The following SLCO1A2 variants were observed in gnomAD, a reference collection of about 807,000 sequenced individuals.
The protein encoded by SLCO1A2 is solute carrier organic anion transporter family member 1A2, also known as OATP-1.
A neutral mutation model predicts 69.0 loss-of-function variants in SLCO1A2; 67 were observed. The ratio of observed to expected loss-of-function variants is 0.97; its 90% CI spans 0.80 to 1.19. The LOEUF (loss-of-function observed/expected upper bound fraction) is 1.19. Ranked by LOEUF, SLCO1A2 falls within the 50% of genes most tolerant of loss-of-function variation. The pLI, the probability that SLCO1A2 is intolerant of heterozygous loss-of-function variation, is 0.00. For missense variants in SLCO1A2, 787 were observed against 793.7 expected, an observed-to-expected ratio of 0.99 and a Z score of 0.10; for synonymous variants, 260 against 265.9, an observed-to-expected ratio of 0.98 and a Z score of 0.22.
intron 2 of SLCO1A2, among the ~76,000 whole-genome samples, chr12:21,331,622 TA>T (rs11313789): frequency 0.37 from 53,693 of 145,750 alleles, 10,043 homozygotes; most frequent in African/African-American, 0.49. Context: ...ATCGCTGAGA[TA>T]AAAAAAAAAA....
rs535980539 is a variant in SLCO1A2 at position 21,289,916 on chromosome 12, G to T, written c.1610+2248C>A. On this transcript the variant is annotated intron_variant, in intron 12 of 14. Coordinates refer to ENST00000683939, the MANE Select transcript of SLCO1A2 (RefSeq NM_001386879.1). The stretch of plus-strand genomic sequence containing the variant: ...GCATGGAACAGTAGAACACCCAGTT[G>T]GTGTTGCAGAATTGAACAGTGTAGG... 1.9e-4 allele frequency among the ~76,000 whole-genome samples: 29 copies of T among 152,218 alleles called. No individual in the cohort carries two copies. In the South Asian group the frequency reaches 5.8e-3, roughly 30 times the overall value.
At chr12:21,328,062 T>C (rs1369654473) in intron 2 of SLCO1A2, among the ~76,000 whole-genome samples, 1 of 152,176 alleles carries the variant, frequency 6.6e-6, no homozygotes, top group Non-Finnish European at 1.5e-5. Context: ...CAAGCTCTAA[T>C]GGTTTTATAA....
chr12:21,337,324 A>G (rs1952925890), upstream of SLCO1A2, among the ~76,000 whole-genome samples: 1 of 152,102 alleles, frequency 6.6e-6, no homozygotes, highest in Admixed American at 6.6e-5. Flanking sequence ...GTTTTATGAA[A>G]CAAATATAAA....
chr12:21,292,817 C>T (rs906881244), intron 11 of SLCO1A2, among the ~76,000 whole-genome samples: 1 of 151,932 alleles, frequency 6.6e-6, no homozygotes, highest in Non-Finnish European at 1.5e-5. Context: ...TGGTCTCGAA[C>T]TCCTGACCTC....
chr12:21,382,202 T>C (rs1313428085), intron 1 of SLCO1A2, among the ~76,000 whole-genome samples: 1 of 152,288 alleles, frequency 6.6e-6, no homozygotes, highest in East Asian at 1.9e-4. Context: ...CTGGAGACCA[T>C]TATTCTAAGC....
intron 2 of SLCO1A2, among the ~76,000 whole-genome samples, chr12:21,372,499 A>C (rs1045266780): frequency 2.2e-4 from 34 of 152,098 alleles, no homozygotes; most frequent in Non-Finnish European, 4.6e-4. Context: ...CTGAAGCTTC[A>C]TGGGATTCAG....
chr12:21,304,390 G>A, intron 6 of SLCO1A2, 37 bp downstream of exon 6: 4 of 1,519,172 alleles, frequency 2.6e-6, no homozygotes, highest in South Asian at 2.3e-5. Context: ...GGAACATATT[G>A]CCCTGAAAAG....
intron 3 of SLCO1A2, 128 bp from the exon 4 acceptor site, chr12:21,314,809 G>T (rs533019765): frequency 5.5e-6 from 4 of 732,798 alleles, no homozygotes; most frequent in East Asian, 2.7e-5. Context: ...ATTTGTGCTA[G>T]GGTTGCATTA....
chr12:21,315,357 A>C (rs1365683356), intron 3 of SLCO1A2, among the ~76,000 whole-genome samples: 1 of 152,246 alleles, frequency 6.6e-6, no homozygotes, highest in Non-Finnish European at 1.5e-5. Context: ...AAGCTTTAGA[A>C]TAAAGAAACT....
intron 12 of SLCO1A2, among the ~76,000 whole-genome samples, chr12:21,280,242 A>G (rs1305444608): frequency 6.6e-6 from 1 of 152,178 alleles, no homozygotes; most frequent in Admixed American, 6.5e-5. Flanking sequence ...TACGAATAAG[A>G]TTATTTAATG....
chr12:21,330,218 C>T (rs1378900228), intron 2 of SLCO1A2, among the ~76,000 whole-genome samples: 2 of 152,106 alleles, frequency 1.3e-5, no homozygotes, highest in African/African-American at 4.8e-5. Flanking sequence ...AAAGGCCAGA[C>T]ACCATGGCTC....
intron 2 of SLCO1A2, chr12:21,373,005 G>A (rs968577369): frequency 7.1e-6 from 2 of 280,990 alleles, no homozygotes; most frequent in Admixed American, 5.0e-5. Context: ...ACATTAAAAG[G>A]TAAAGAATTT....
chr12:21,409,761 T>C (rs1398342917), intron 1 of SLCO1A2, among the ~76,000 whole-genome samples: 1 of 152,180 alleles, frequency 6.6e-6, no homozygotes, highest in Admixed American at 6.5e-5. Context: ...CAGTCGTATA[T>C]TTGAGCTGTA....
At chr12:21,372,961 A>G (rs547030424) in intron 2 of SLCO1A2, 8 of 241,242 alleles carry the variant, frequency 3.3e-5, no homozygotes, top group Non-Finnish European at 4.8e-5. Context: ...CTTTCTTTCT[A>G]TCAGAAGCAT....
chr12:21,349,836 C>T (rs950935119), intron 2 of SLCO1A2, among the ~76,000 whole-genome samples: 7 of 152,166 alleles, frequency 4.6e-5, no homozygotes, highest in African/African-American at 1.7e-4. Flanking sequence ...CTTAATCTAA[C>T]ACCCTGAACC....
chr12:21,391,861 A>G (rs1036225267), intron 1 of SLCO1A2, among the ~76,000 whole-genome samples: 13 of 152,220 alleles, frequency 8.5e-5, no homozygotes, highest in African/African-American at 3.1e-4. Flanking sequence ...CCCTCCCACT[A>G]CATCAGGTCC....
intron 1 of SLCO1A2, among the ~76,000 whole-genome samples, chr12:21,380,863 A>G (rs1221041055): frequency 2.0e-5 from 3 of 151,430 alleles, no homozygotes; most frequent in African/African-American, 4.9e-5. Flanking sequence ...CCCCAACCCA[A>G]CCCACACCCC....
intron 2 of SLCO1A2, among the ~76,000 whole-genome samples, chr12:21,363,885 T>G (rs1939149341): frequency 6.6e-6 from 1 of 152,168 alleles, no homozygotes. Context: ...TAACAGGTTC[T>G]GAAATTGAGG....
rs748756474 is a variant in SLCO1A2, at chr12:21,294,063, T to C, written c.1319A>G (p.Asn440Ser). ...TTTAGATGGACAGTTGCAATCCACA[T>C]TGCAATCAGCAAAGATGTCATTTTC... ...YVENDIFADCNVDCNCPSKIW... is the reference protein window; with the variant it reads ...YVENDIFADCSVDCNCPSKIW... Residue 440 changes from asparagine to serine, a missense_variant, in exon 11 of 15, where the codon AAT becomes AGT. Asn to Ser is a conservative substitution (Grantham distance 46). Transcript: ENST00000683939. The C allele has an allele frequency of 3.1e-6, 5 of 1,609,032 alleles. No homozygotes were observed. In the South Asian group the frequency reaches 5.5e-5, roughly 18 times the overall value.
Sources: allele counts gnomAD v4.1 joint callset (sites outside exome capture counted in the v4.1 genomes callset), GRCh38; gene constraint gnomAD v4.1.1; transcripts MANE v1.5; gene names NCBI Gene and HGNC (gene_info 2026-07-23, HGNC 2026-07-21).